MTUS2: variants seen among roughly 807,000 people sequenced by gnomAD.
The protein encoded by MTUS2 is microtubule-associated tumor suppressor candidate 2.
MTUS2 carries 40 observed loss-of-function variants against 114.1 expected under a neutral mutation model. The ratio of observed to expected loss-of-function variants is 0.35; its 90% CI spans 0.27 to 0.46. The LOEUF (loss-of-function observed/expected upper bound fraction) is 0.46. Among genes scored for constraint, MTUS2 ranks in the 20% least tolerant of loss-of-function variants. The probability of loss-of-function intolerance (pLI) is 1.00; values close to 1 mark genes in which losing one functional copy is unlikely to be tolerated. For synonymous variants in MTUS2, 688 were observed against 672.0 expected (o/e 1.02, Z -0.37); for missense variants, 1,679 against 1,705.4 (o/e 0.98, Z 0.27).
chr13:28,831,544 A>G (rs1874678815), intron 1 of MTUS2, among the ~76,000 whole-genome samples: 1 of 114,244 alleles, frequency 8.8e-6, no homozygotes, highest in Non-Finnish European at 2.1e-5. Flanking sequence ...TTATTGCAGA[A>G]GACAAAGAAG....
chr13:29,454,605 G>C (rs1878970374), intron 9 of MTUS2, among the ~76,000 whole-genome samples: 1 of 151,866 alleles, frequency 6.6e-6, no homozygotes, highest in African/African-American at 2.4e-5. Flanking sequence ...GTCCAGAAAA[G>C]GCCGTAGCAA....
chr13:28,881,551 A>G (rs1878290969), intron 2 of MTUS2, among the ~76,000 whole-genome samples: 2 of 152,170 alleles, frequency 1.3e-5, no homozygotes, highest in African/African-American at 4.8e-5. Context: ...AGAAATTTCT[A>G]TACTGTTTTC....
chr13:28,852,951 A>G lies in MTUS2; in HGVS notation c.-243+13101A>G, dbSNP rs1336011725. Reference sequence around the variant, plus strand: ...TACATAGCGAGCCTCTGTCTTAAATACATACATACATACATACATACATTC... The same window carrying G: ...TACATAGCGAGCCTCTGTCTTAAATGCATACATACATACATACATACATTC... On this transcript the variant is annotated intron_variant, in intron 2 of 15. Transcript: ENST00000612955. Among the ~76,000 whole-genome samples, 4 of 150,366 alleles carry G rather than the reference A, an allele frequency of 2.7e-5. No individual in the cohort carries two copies. In the South Asian group the frequency reaches 6.3e-4, roughly 24 times the overall value.
chr13:29,343,363 T>C (rs1465551103), intron 7 of MTUS2, among the ~76,000 whole-genome samples: 1 of 152,160 alleles, frequency 6.6e-6, no homozygotes, highest in Non-Finnish European at 1.5e-5. Flanking sequence ...AGTTATAATT[T>C]CTTCCTGGTT....
intron 3 of MTUS2, among the ~76,000 whole-genome samples, chr13:29,030,008 C>A (rs530486298): frequency 6.6e-6 from 1 of 152,330 alleles, no homozygotes; most frequent in South Asian, 2.1e-4. Flanking sequence ...AGATTTTTCT[C>A]TATAAAAACA....
At chr13:29,406,011 G>A (rs905295911) in intron 8 of MTUS2, among the ~76,000 whole-genome samples, 1 of 152,158 alleles carries the variant, frequency 6.6e-6, no homozygotes, top group East Asian at 1.9e-4. Flanking sequence ...ACAGTGCTGG[G>A]ATTACAGGCG....
chr13:29,240,707 C>T (rs1323680975), intron 5 of MTUS2, among the ~76,000 whole-genome samples: 1 of 152,152 alleles, frequency 6.6e-6, no homozygotes, highest in Non-Finnish European at 1.5e-5. Context: ...ATTAAAATTT[C>T]TAAACAGTGG....
chr13:29,077,417 C>A (rs886571660), intron 4 of MTUS2, among the ~76,000 whole-genome samples: 4 of 151,970 alleles, frequency 2.6e-5, no homozygotes, highest in African/African-American at 4.8e-5. Flanking sequence ...TGAGCCCAAA[C>A]AATATATTGC....
intron 6 of MTUS2, among the ~76,000 whole-genome samples, chr13:29,301,017 G>A (rs1191820466): frequency 6.6e-6 from 1 of 152,174 alleles, no homozygotes; most frequent in African/African-American, 2.4e-5. Context: ...ATTTGGCATT[G>A]CAGAGCCTTC....
intron 2 of MTUS2, among the ~76,000 whole-genome samples, chr13:28,995,958 G>C (rs144576521): frequency 0.018 from 2,675 of 152,114 alleles, 80 homozygotes; most frequent in African/African-American, 0.06. Context: ...TGACAGAGGG[G>C]ATCCCTGTCT....
At chr13:29,144,431 G>A (rs938166235) in intron 5 of MTUS2, among the ~76,000 whole-genome samples, 3 of 151,514 alleles carry the variant, frequency 2.0e-5, no homozygotes, top group South Asian at 2.1e-4. Context: ...TGGTGCAGTC[G>A]TGGCTCACTG....
intron 4 of MTUS2, chr13:29,072,240 C>G (rs1172089357): frequency 1.3e-5 from 2 of 152,136 alleles, no homozygotes; most frequent in Non-Finnish European, 2.9e-5. Flanking sequence ...ATAGAAAGCA[C>G]TCAGTAAATG....
intron 2 of MTUS2, among the ~76,000 whole-genome samples, chr13:28,981,775 GA>G (rs951264235): frequency 3.9e-5 from 6 of 152,160 alleles, no homozygotes. Flanking sequence ...GCCGCTTCAG[GA>G]AACTGTGGTA....
chr13:29,045,148 A>C (rs183457482), intron 4 of MTUS2, among the ~76,000 whole-genome samples: 6 of 152,292 alleles, frequency 3.9e-5, no homozygotes, highest in Non-Finnish European at 8.8e-5. Context: ...ACGTAATATA[A>C]GATAGTCATG....
At chr13:28,919,295 G>A (rs547065100) in intron 2 of MTUS2, among the ~76,000 whole-genome samples, 1 of 151,952 alleles carries the variant, frequency 6.6e-6, no homozygotes, top group Non-Finnish European at 1.5e-5. Flanking sequence ...TGTCTGGGAA[G>A]GTCTTTATTT....
chr13:29,197,369 C>T (rs1338767319), intron 5 of MTUS2, among the ~76,000 whole-genome samples: 2 of 152,086 alleles, frequency 1.3e-5, no homozygotes, highest in South Asian at 4.1e-4. Context: ...TGGTTTCCAG[C>T]TTCATCCATG....
intron 5 of MTUS2, among the ~76,000 whole-genome samples, chr13:29,236,983 A>G (rs1896559061): frequency 6.6e-6 from 1 of 152,208 alleles, no homozygotes; most frequent in Non-Finnish European, 1.5e-5. Context: ...ACTTATCCCT[A>G]GTGGCCAACT....
chr13:29,060,670 T>C (rs1368970001), intron 4 of MTUS2, among the ~76,000 whole-genome samples: 1 of 151,834 alleles, frequency 6.6e-6, no homozygotes, highest in East Asian at 1.9e-4. Context: ...TTCTGCCTTT[T>C]AATTTTAGAC....
Position 29,498,475 on chromosome 13 carries a change from T to G in MTUS2, c.3736T>G (p.Leu1246Val). 1 of 1,614,172 alleles carries G rather than the reference T, an allele frequency of 6.2e-7. No individual in the cohort carries two copies. The highest frequency in any genetic ancestry group is 1.1e-5 in the South Asian group (1 of 91,072). Residue 1246 changes from leucine to valine, a missense_variant, in exon 14 of 16, where the codon TTA (leucine) becomes GTA (valine). Physicochemically the swap from Leu to Val is conservative, Grantham distance 32. Transcript: ENST00000612955. Reference sequence around the variant, plus strand: ...AGACATGAAGAGTCTGAAGCAGGTATTAGAAATGAAGAATCAGCAAATACA... The same window carrying G: ...AGACATGAAGAGTCTGAAGCAGGTAGTAGAAATGAAGAATCAGCAAATACA... ...EEDMKSLKQVLEMKNQQIHEQ... is the reference protein window; with the variant it reads ...EEDMKSLKQVVEMKNQQIHEQ...
Sources: gnomAD v4.1 joint callset for allele counts (sites outside exome capture counted in the v4.1 genomes callset) on GRCh38, gnomAD v4.1.1 for gene constraint, MANE v1.5 for transcripts, NCBI Gene and HGNC (gene_info 2026-07-23, HGNC 2026-07-21) for gene names.